Variants in RPS24 observed in about 807,000 individuals in gnomAD.
RPS24 encodes the protein ribosomal protein S24.
For synonymous variants in RPS24, 72 were observed against 55.6 expected, an observed-to-expected ratio of 1.30 and a Z score of -1.31; for missense variants, 100 against 162.5, an observed-to-expected ratio of 0.62 and a Z score of 2.09.
At chr10:78,050,836 T>C (rs1848092124) in intron 4 of RPS24, among the ~76,000 whole-genome samples, 1 of 152,120 alleles carries the variant, frequency 6.6e-6, no homozygotes, top group Non-Finnish European at 1.5e-5. Context: ...ATGTTGCGCC[T>C]CCTGGCCTCA....
chr10:78,043,876 A>G (rs1008623966), downstream of RPS24, among the ~76,000 whole-genome samples: 1 of 152,152 alleles, frequency 6.6e-6, no homozygotes, highest in Admixed American at 6.5e-5. Flanking sequence ...ATGGTCTGGG[A>G]TCACCCAAAA....
intron 4 of RPS24, among the ~76,000 whole-genome samples, chr10:78,047,668 A>C (rs1277054593): frequency 6.6e-6 from 1 of 152,116 alleles, no homozygotes; most frequent in Non-Finnish European, 1.5e-5. Context: ...TCTGCTGTTC[A>C]TATGTGCATG....
At chr10:78,052,394 A>G (rs1245530406) in intron 4 of RPS24, among the ~76,000 whole-genome samples, 1 of 152,138 alleles carries the variant, frequency 6.6e-6, no homozygotes, top group Non-Finnish European at 1.5e-5. Flanking sequence ...TGTAACAATA[A>G]TACCTTCCTT....
At chr10:78,051,887 T>C (rs1001859592) in intron 4 of RPS24, among the ~76,000 whole-genome samples, 1 of 152,222 alleles carries the variant, frequency 6.6e-6, no homozygotes, top group Non-Finnish European at 1.5e-5. Flanking sequence ...TTGAATCCTT[T>C]GCTTATTTTC....
downstream of RPS24, among the ~76,000 whole-genome samples, chr10:78,042,858 C>T (rs941772385): frequency 6.6e-6 from 1 of 152,168 alleles, no homozygotes; most frequent in Non-Finnish European, 1.5e-5. Flanking sequence ...CAGCTTTCAA[C>T]TCTGCACTCT....
intron 4 of RPS24, chr10:78,037,902 C>CTTTTTTTTTTTTTTTTTTTTTTTT (rs55902139): frequency 5.7e-4 from 215 of 379,902 alleles, no homozygotes; most frequent in South Asian, 1.0e-3. Flanking sequence ...GTTCTGTGAA[C>CTTTTTTTTTTTTTTTTTTTTTTTT]TTTTTTTTTT....
chr10:78,046,479 C>G (rs970770956), intron 4 of RPS24, among the ~76,000 whole-genome samples: 2 of 151,772 alleles, frequency 1.3e-5, no homozygotes, highest in African/African-American at 4.8e-5. Context: ...CTGCCTCAGC[C>G]TCCATAGTAG....
At position 78,046,346 on chromosome 10, in the gene RPS24, C is replaced by CTTTTTTTTTTTT. The variant is rs57003851; in HGVS notation, c.391-8177_391-8166dup. 1.2e-4 allele frequency among the ~76,000 whole-genome samples: 15 copies of CTTTTTTTTTTTT among 126,152 alleles called. 1 individual carries two copies. The highest frequency in any genetic ancestry group is 5.1e-4 in the African/African-American group (15 of 29,358). 82.8% of individuals were successfully genotyped at this position (126,152 alleles called of 152,430 possible). On this transcript the variant is annotated intron_variant, in intron 4 of 4. Coordinates refer to the RPS24 transcript ENST00000440692. ...GTCTTGCACAAATTATCTCATTTAC[C>CTTTTTTTTTTTT]TTTTTTTTTTTTTTTTTTTGAGAAT... is the stretch of plus-strand genomic sequence containing the variant.
chr10:78,043,931 A>G (rs1297260128), downstream of RPS24, among the ~76,000 whole-genome samples: 1 of 151,056 alleles, frequency 6.6e-6, no homozygotes, highest in South Asian at 2.1e-4. Context: ...ATAGTAGCCT[A>G]ACACGTCACC....
chr10:78,055,155 C>T (rs1489924638), exon 5 of RPS24: 1 of 1,294,546 alleles, frequency 7.7e-7, no homozygotes, highest in African/African-American at 1.5e-5. Context: ...GGCTCCACAT[C>T]TCTCTCACCC....
At chr10:78,053,491 AC>A (rs1455527126) in intron 4 of RPS24, among the ~76,000 whole-genome samples, 1 of 152,198 alleles carries the variant, frequency 6.6e-6, no homozygotes, top group Non-Finnish European at 1.5e-5. Context: ...GAATTTAATA[AC>A]AACACTTTGG....
rs1847850325 is a variant in RPS24, at chr10:78,035,684, T to C, written c.243T>C (p.Tyr81=). 6.2e-7 allele frequency: 1 copy of C among 1,603,214 alleles called. No homozygotes were observed. The highest frequency in any genetic ancestry group is 1.3e-5 in the African/African-American group (1 of 74,920). ...GFGMIYDSLD[Y]AKKNEPKHRL... is the part of the protein sequence containing the mutation. ...GCATGATTTATGATTCCCTGGATTA[T>C]GCAAAGAAAAATGAACCCAAACATA... The change falls in exon 3 of 6, where the codon TAT becomes TAC. Residue 81 remains tyrosine (Y), a synonymous_variant. Coordinates refer to ENST00000372360, the MANE Select transcript of RPS24 (RefSeq NM_033022.4).
intron 5 of RPS24, 144 bp from the exon 6 acceptor site, chr10:78,040,471 C>A: frequency 1.3e-6 from 1 of 750,686 alleles, no homozygotes. Flanking sequence ...TTGATGCTTT[C>A]ATTGTGTTAT....
intron 4 of RPS24, 196 bp downstream of exon 4, chr10:78,037,500 G>A (rs1847897926): frequency 2.4e-6 from 2 of 838,460 alleles, no homozygotes; most frequent in Admixed American, 6.2e-5. Flanking sequence ...AAAGTAGCTT[G>A]GCCCACCCCT....
downstream of RPS24, among the ~76,000 whole-genome samples, chr10:78,044,053 G>A (rs1848016460): frequency 6.6e-6 from 1 of 152,130 alleles, no homozygotes; most frequent in African/African-American, 2.4e-5. Context: ...GCCTACTACA[G>A]TATAATTATT....
intron 5 of RPS24, 122 bp from the exon 6 acceptor site, chr10:78,040,493 A>C: frequency 1.2e-6 from 1 of 817,016 alleles, no homozygotes; most frequent in South Asian, 1.4e-5. Flanking sequence ...ATAACATCAA[A>C]ATAACTTGAT....
chr10:78,040,918 C>T (rs976795812), downstream of RPS24, among the ~76,000 whole-genome samples: 3 of 151,902 alleles, frequency 2.0e-5, no homozygotes, highest in South Asian at 2.1e-4. Flanking sequence ...CCGCGGTGGA[C>T]GCAGTGTAGT....
intron 4 of RPS24, among the ~76,000 whole-genome samples, chr10:78,046,739 G>T (rs2131990388): frequency 6.6e-6 from 1 of 152,292 alleles, no homozygotes; most frequent in African/African-American, 2.4e-5. Context: ...AAGGAACTTG[G>T]TTAAAGTTAC....
chr10:78,043,678 C>T (rs947613880), downstream of RPS24, among the ~76,000 whole-genome samples: 6 of 152,210 alleles, frequency 3.9e-5, no homozygotes, highest in African/African-American at 1.4e-4. Flanking sequence ...ATCCCATGAT[C>T]TGGCTTCTGT....
Sources: gnomAD v4.1 joint callset for allele counts (sites outside exome capture counted in the v4.1 genomes callset) on GRCh38, gnomAD v4.1.1 for gene constraint, MANE v1.5 for transcripts, NCBI Gene and HGNC (gene_info 2026-07-23, HGNC 2026-07-21) for gene names.